The following CTNNB1 variants were observed in gnomAD, a reference collection of about 807,000 sequenced individuals.
CTNNB1 encodes the protein catenin beta-1.
Under a neutral mutation model 82.5 loss-of-function variants are expected in CTNNB1, and 6 were observed. That is an observed-to-expected ratio of 0.07 (90% CI 0.04 to 0.14). The LOEUF (loss-of-function observed/expected upper bound fraction) is 0.14. Ranked by LOEUF, CTNNB1 falls within the 10% of genes least tolerant of loss-of-function variation. The pLI is 1.00. For missense variants in CTNNB1, 529 were observed against 980.4 expected (o/e 0.54, Z 6.15); for synonymous variants, 312 against 329.7 (o/e 0.95, Z 0.58).
intron 14 of CTNNB1, 78 bp downstream of exon 14, chr3:41,238,154 C>A: frequency 1.5e-6 from 2 of 1,320,632 alleles, no homozygotes; most frequent in South Asian, 2.4e-5. Flanking sequence ...CCGGTTTGCT[C>A]ATCTGGGAAA....
intron 7 of CTNNB1, among the ~76,000 whole-genome samples, chr3:41,231,942 A>G (rs1575326861): frequency 6.6e-6 from 1 of 152,226 alleles, no homozygotes; most frequent in East Asian, 1.9e-4. Context: ...CTCAGAAGGC[A>G]TCCTTAATTT....
chr3:41,222,130 A>C (rs1378372005), intron 1 of CTNNB1: 2 of 152,196 alleles, frequency 1.3e-5, no homozygotes, highest in East Asian at 3.8e-4. Flanking sequence ...AATTGGGAGC[A>C]CTAGAATTGG....
intron 1 of CTNNB1, among the ~76,000 whole-genome samples, chr3:41,201,919 G>A (rs1257347740): frequency 6.6e-6 from 1 of 152,038 alleles, no homozygotes; most frequent in Non-Finnish European, 1.5e-5. Flanking sequence ...CTGTATGCTT[G>A]TTTTAATAAC....
chr3:41,240,041 TGTTAA>T lies in CTNNB1; in HGVS notation c.*704_*708del, dbSNP rs1252710811. ...TAACTGTTTTTTAAGTCTCTCGTAG[TGTTAA>T]GTTATAGTGAATACTGCTACAGCAA... is the stretch of plus-strand genomic sequence containing the variant. On this transcript the variant is annotated 3_prime_UTR_variant, in exon 15 of 15. Transcript: ENST00000349496. 10 of 204,194 alleles carry T rather than the reference TGTTAA, an allele frequency of 4.9e-5. No homozygotes were observed. The East Asian group carries it at 6.6e-4, about 13-fold the overall frequency. The allele number at this position is 204,194 out of a possible 1,614,324, so 12.6% of individuals were successfully genotyped here.
At chr3:41,206,965 C>T (rs1296525344) in intron 1 of CTNNB1, among the ~76,000 whole-genome samples, 1 of 152,176 alleles carries the variant, frequency 6.6e-6, no homozygotes, top group African/African-American at 2.4e-5. Flanking sequence ...ACATACCGCT[C>T]TTTAAATAGA....
chr3:41,215,213 TAAAAAAAAAAA>T (rs10576683), intron 1 of CTNNB1, among the ~76,000 whole-genome samples: 7 of 76,168 alleles, frequency 9.2e-5, no homozygotes, highest in Admixed American at 1.6e-4. Flanking sequence ...CTGTCTCCAT[TAAAAAAAAAAA>T]AAAAAAAAAA....
At chr3:41,229,876 CTGTGTGTGTGTG>C (rs58153157) in intron 7 of CTNNB1, among the ~76,000 whole-genome samples, 74 of 147,228 alleles carry the variant, frequency 5.0e-4, no homozygotes, top group Non-Finnish European at 9.3e-4. Flanking sequence ...CTCTTGGGTT[CTGTGTGTGTGTG>C]TGTGTGTGTG....
chr3:41,239,057 TA>T, intron 14 of CTNNB1, 76 bp from the exon 15 acceptor site: 2 of 1,252,414 alleles, frequency 1.6e-6, no homozygotes, highest in South Asian at 1.2e-5. Context: ...ACCTCAGTGT[TA>T]ACGTCTATGT....
rs374853593 is a variant in CTNNB1 at position 41,236,634 on chromosome 3, A to C, written c.2001A>C (p.Pro667=). The stretch of plus-strand genomic sequence containing the variant: ...TGTTCCGAATGTCTGAGGACAAGCC[A>C]CAAGATTACAAGAAACGGCTTTCAG... ...AVLFRMSEDK[P]QDYKKRLSVE... Residue 667 remains proline, a synonymous_variant, in exon 13 of 15, where the codon CCA becomes CCC. Transcript: ENST00000349496. 3 of 1,614,230 alleles carry C rather than the reference A, an allele frequency of 1.9e-6. No individual in the cohort carries two copies. In the South Asian group the frequency reaches 3.3e-5, roughly 18 times the overall value.
rs1207607706 is a variant in CTNNB1, at chr3:41,233,444, G to C, written c.1185G>C (p.Gln395His). The change falls in exon 8 of 15, where the codon CAG (glutamine) becomes CAC (histidine). Residue 395 changes from glutamine (Q) to histidine (H), a missense_variant and splice_region_variant. Physicochemically the swap from Gln to His is conservative, Grantham distance 24. Transcript: ENST00000349496. ...LRNLSDAATKQEGMEGLLGTL... is the reference protein window; with the variant it reads ...LRNLSDAATKHEGMEGLLGTL... Reference sequence around the variant, plus strand: ...ATCTTTCAGATGCTGCAACTAAACAGGTAAATTCTGAGTAAACTGGTGCCA... The same window carrying C: ...ATCTTTCAGATGCTGCAACTAAACACGTAAATTCTGAGTAAACTGGTGCCA... 6.2e-7 allele frequency: 1 copy of C among 1,614,106 alleles called. No individual in the cohort carries two copies. Among genetic ancestry groups the C allele is most frequent in the Non-Finnish European group, 8.5e-7 (1 of 1,179,994 alleles).
At chr3:41,204,540 A>G (rs768545310) in intron 1 of CTNNB1, among the ~76,000 whole-genome samples, 1 of 152,226 alleles carries the variant, frequency 6.6e-6, no homozygotes, top group Non-Finnish European at 1.5e-5. Context: ...AAATGGGACC[A>G]TGCAGACTAT....
intron 1 of CTNNB1, among the ~76,000 whole-genome samples, chr3:41,204,624 G>A (rs890061397): frequency 1.3e-5 from 2 of 152,214 alleles, no homozygotes; most frequent in Non-Finnish European, 2.9e-5. Flanking sequence ...AGTTTATGTT[G>A]CCAGATCATC....
intron 14 of CTNNB1, 193 bp downstream of exon 14, chr3:41,238,269 A>G: frequency 1.6e-6 from 1 of 610,844 alleles, no homozygotes; most frequent in Non-Finnish European, 2.9e-6. Flanking sequence ...CCACACAATG[A>G]GTAGCAGTAG....
At position 41,207,041 on chromosome 3, in the gene CTNNB1, A is replaced by G. The variant is rs141267526; in HGVS notation, c.-49+7371A>G. 3.3e-5 allele frequency among the ~76,000 whole-genome samples: 5 copies of G among 152,284 alleles called. No individual in the cohort carries two copies. The East Asian group carries it at 7.7e-4, about 24-fold the overall frequency. On this transcript the variant is annotated intron_variant, in intron 1 of 14. Coordinates refer to ENST00000349496, the MANE Select transcript of CTNNB1 (RefSeq NM_001904.4). ...TTTTATTGTTTAGTTTTCAAGCCCAACTATCTTGTTACTTTGTATATCGTA... is the reference window on the plus strand; with the variant it reads ...TTTTATTGTTTAGTTTTCAAGCCCAGCTATCTTGTTACTTTGTATATCGTA...
At chr3:41,201,852 A>T (rs1464704708) in intron 1 of CTNNB1, among the ~76,000 whole-genome samples, 1 of 152,144 alleles carries the variant, frequency 6.6e-6, no homozygotes, top group Non-Finnish European at 1.5e-5. Flanking sequence ...AAAATTTATC[A>T]GACTGAGCTT....
chr3:41,239,379 T>TG lies in CTNNB1; in HGVS notation c.*40dup. The TG allele has an allele frequency of 6.3e-7, 1 of 1,576,496 alleles. No homozygotes were observed. Among genetic ancestry groups the TG allele is most frequent in the Non-Finnish European group, 8.7e-7 (1 of 1,152,218 alleles). On this transcript the variant is annotated 3_prime_UTR_variant, in exon 15 of 15. Coordinates refer to ENST00000349496, the MANE Select transcript of CTNNB1 (RefSeq NM_001904.4). ...GGTAAGAAGTTTTAAAAAGCCAGTT[T>TG]GGGTAAAATACTTTTACTCTGCCTA...
Position 41,199,668 on chromosome 3 carries a change from G to A in CTNNB1, c.-51G>A, listed in dbSNP as rs2125577749. The A allele has an allele frequency of 6.6e-6, 1 of 152,316 alleles. No individual in the cohort carries two copies. The highest frequency in any genetic ancestry group is 6.5e-5 in the Admixed American group (1 of 15,304). The allele number at this position is 152,316 out of a possible 1,614,324, so 9.4% of individuals were successfully genotyped here. On this transcript the variant is annotated splice_region_variant and 5_prime_UTR_variant, in exon 1 of 15. Coordinates refer to ENST00000349496, the MANE Select transcript of CTNNB1 (RefSeq NM_001904.4). Reference sequence around the variant, plus strand: ...CGCGGCGGGAGGAGCCTGTTCCCCTGAGGTGCTTGGGCGCTCCTTTCCTTA... The same window carrying A: ...CGCGGCGGGAGGAGCCTGTTCCCCTAAGGTGCTTGGGCGCTCCTTTCCTTA...
intron 1 of CTNNB1, among the ~76,000 whole-genome samples, chr3:41,208,877 A>G (rs1334726275): frequency 6.6e-6 from 1 of 152,138 alleles, no homozygotes; most frequent in African/African-American, 2.4e-5. Context: ...CCATTACAAA[A>G]AAAATTTTTT....
chr3:41,203,555 T>G (rs1160505794), intron 1 of CTNNB1, among the ~76,000 whole-genome samples: 1 of 152,194 alleles, frequency 6.6e-6, no homozygotes, highest in Non-Finnish European at 1.5e-5. Context: ...ATGTGAATTG[T>G]CAATTTGTCT....
Sources: gnomAD v4.1 joint callset for allele counts (sites outside exome capture counted in the v4.1 genomes callset) on GRCh38, gnomAD v4.1.1 for gene constraint, MANE v1.5 for transcripts, NCBI Gene and HGNC (gene_info 2026-07-23, HGNC 2026-07-21) for gene names.